CDH13: variants seen among roughly 807,000 people sequenced by gnomAD.
The protein encoded by CDH13 is cadherin-13.
A neutral mutation model predicts 63.8 loss-of-function variants in CDH13; 24 were observed. The observed-to-expected ratio is 0.38, with a 90% CI of 0.27 to 0.53. The LOEUF (loss-of-function observed/expected upper bound fraction) is 0.53, where lower values mean the gene tolerates loss of function less well. Ranked by LOEUF, CDH13 falls within the 20% of genes least tolerant of loss-of-function variation. The pLI is 0.85. For missense variants in CDH13, 1,049 were observed against 903.1 expected (o/e 1.16, Z -2.07); for synonymous variants, 503 against 355.3 (o/e 1.42, Z -4.67).
chr16:82,849,744 A>T (rs970136776), intron 1 of CDH13, among the ~76,000 whole-genome samples: 1 of 152,224 alleles, frequency 6.6e-6, no homozygotes, highest in Non-Finnish European at 1.5e-5. Context: ...GCAACTGATG[A>T]CTTTAAGTTG....
intron 3 of CDH13, among the ~76,000 whole-genome samples, chr16:83,085,323 C>G (rs1410099879): frequency 6.6e-6 from 1 of 152,036 alleles, no homozygotes; most frequent in Non-Finnish European, 1.5e-5. Context: ...CCCCAGGATT[C>G]AATTACCTCC....
chr16:82,636,208 ACT>A (rs1173023693), intron 1 of CDH13, among the ~76,000 whole-genome samples: 1 of 151,688 alleles, frequency 6.6e-6, no homozygotes, highest in Non-Finnish European at 1.5e-5. Flanking sequence ...TTGAGTTCTG[ACT>A]CTTCCAATTG....
At chr16:83,136,103 C>G (rs2036271209) in intron 4 of CDH13, among the ~76,000 whole-genome samples, 1 of 151,530 alleles carries the variant, frequency 6.6e-6, no homozygotes, top group Non-Finnish European at 1.5e-5. Flanking sequence ...GCACCAAAAT[C>G]TCACATATCA....
At chr16:83,656,098 C>G (rs1912843673) in intron 8 of CDH13, among the ~76,000 whole-genome samples, 1 of 152,188 alleles carries the variant, frequency 6.6e-6, no homozygotes, top group Non-Finnish European at 1.5e-5. Context: ...TCCCACCCCT[C>G]ACACCCAGCC....
At chr16:83,433,918 C>T (rs569859009) in intron 6 of CDH13, among the ~76,000 whole-genome samples, 3 of 152,078 alleles carry the variant, frequency 2.0e-5, no homozygotes, top group South Asian at 4.2e-4. Context: ...CTTAGTGGCT[C>T]GTTGGAAAGT....
At chr16:83,568,355 A>G (rs1904307069) in intron 7 of CDH13, among the ~76,000 whole-genome samples, 1 of 152,214 alleles carries the variant, frequency 6.6e-6, no homozygotes, top group Non-Finnish European at 1.5e-5. Flanking sequence ...AAAACACAGG[A>G]TGAAATTCTG....
chr16:83,058,762 G>T (rs2031216184), intron 3 of CDH13, among the ~76,000 whole-genome samples: 1 of 152,180 alleles, frequency 6.6e-6, no homozygotes, highest in Non-Finnish European at 1.5e-5. Context: ...CATCTGGGAT[G>T]GTCTTAAAAA....
intron 1 of CDH13, among the ~76,000 whole-genome samples, chr16:82,851,618 A>G (rs1442590445): frequency 6.6e-6 from 1 of 151,974 alleles, no homozygotes; most frequent in East Asian, 1.9e-4. Context: ...CACCAGGAAC[A>G]TTTTAAGGAG....
chr16:83,654,036 TA>T (rs1389887345), intron 8 of CDH13, among the ~76,000 whole-genome samples: 3 of 151,686 alleles, frequency 2.0e-5, no homozygotes, highest in Non-Finnish European at 4.4e-5. Context: ...ATGGGTGGGG[TA>T]ATGAATGCAC....
At chr16:83,669,945 G>T (rs529071846) in intron 8 of CDH13, among the ~76,000 whole-genome samples, 2 of 152,288 alleles carry the variant, frequency 1.3e-5, no homozygotes, top group East Asian at 1.9e-4. Context: ...TCGGCTCAAA[G>T]GAATGTGCTA....
At chr16:83,414,804 C>T (rs1198798724) in intron 6 of CDH13, among the ~76,000 whole-genome samples, 2 of 152,020 alleles carry the variant, frequency 1.3e-5, no homozygotes, top group Non-Finnish European at 2.9e-5. Context: ...CATATTTATC[C>T]ACTCATCCAT....
In CDH13 at chr16:82,858,410, C is replaced by G; in HGVS notation, c.94C>G (p.Gln32Glu). ...AGATTTGGACTGCACTCCTGGATTTCAGCAGAAAGTGTTCCATATCAATCA... is the reference window on the plus strand; with the variant it reads ...AGATTTGGACTGCACTCCTGGATTTGAGCAGAAAGTGTTCCATATCAATCA... Reference protein sequence around the residue: ...AEDLDCTPGFQQKVFHINQPA... With the variant: ...AEDLDCTPGFEQKVFHINQPA... Residue 32 changes from glutamine to glutamate, a missense_variant, in exon 2 of 14, where the codon CAG (glutamine) becomes GAG (glutamate). Gln to Glu is a conservative substitution (Grantham distance 29). Transcript: ENST00000567109. 3.1e-6 allele frequency: 5 copies of G among 1,613,816 alleles called. No homozygotes were observed. The highest frequency in any genetic ancestry group is 4.2e-6 in the Non-Finnish European group (5 of 1,179,716).
chr16:83,449,008 G>T (rs1302925385), intron 6 of CDH13, among the ~76,000 whole-genome samples: 3 of 152,188 alleles, frequency 2.0e-5, no homozygotes, highest in Non-Finnish European at 2.9e-5. Context: ...AATTTCCACA[G>T]CCTGGCAATC....
intron 8 of CDH13, among the ~76,000 whole-genome samples, chr16:83,654,315 T>C (rs769577266): frequency 2.0e-5 from 3 of 152,102 alleles, no homozygotes; most frequent in Non-Finnish European, 4.4e-5. Context: ...GGGTCCCTCC[T>C]GCACCCTCAC....
chr16:83,524,908 G>A (rs2074925626), intron 7 of CDH13, among the ~76,000 whole-genome samples: 1 of 152,078 alleles, frequency 6.6e-6, no homozygotes, highest in African/African-American at 2.4e-5. Flanking sequence ...GGGTTCCGTG[G>A]GCTGTAAATC....
chr16:82,770,276 T>C (rs1271429624), intron 1 of CDH13, among the ~76,000 whole-genome samples: 1 of 152,250 alleles, frequency 6.6e-6, no homozygotes. Flanking sequence ...TTGTGCACAT[T>C]GCACTGTTGT....
chr16:82,832,072 C>T (rs560886657), intron 1 of CDH13, among the ~76,000 whole-genome samples: 31 of 152,268 alleles, frequency 2.0e-4, no homozygotes, highest in African/African-American at 7.2e-4. Context: ...TTCTGTGTGA[C>T]CCTTATCTTA....
intron 8 of CDH13, among the ~76,000 whole-genome samples, chr16:83,645,906 A>C (rs1181061027): frequency 6.6e-6 from 1 of 152,218 alleles, no homozygotes; most frequent in Admixed American, 6.5e-5. Context: ...ATTGAGGTGA[A>C]AAATCATTCT....
intron 1 of CDH13, among the ~76,000 whole-genome samples, chr16:82,713,651 C>A (rs1463023850): frequency 1.3e-5 from 2 of 151,978 alleles, no homozygotes; most frequent in African/African-American, 4.8e-5. Context: ...TGCTCTAAGA[C>A]TCCATTAAAA....
Sources: allele counts gnomAD v4.1 joint callset (sites outside exome capture counted in the v4.1 genomes callset), GRCh38; gene constraint gnomAD v4.1.1; transcripts MANE v1.5; gene names NCBI Gene and HGNC (gene_info 2026-07-23, HGNC 2026-07-21).